ETHE1: variants seen among roughly 807,000 people sequenced by gnomAD.
ETHE1 encodes persulfide dioxygenase ETHE1, mitochondrial.
In ETHE1, 16 loss-of-function variants were observed where a neutral mutation model predicts 25.7. The ratio of observed to expected loss-of-function variants is 0.62; its 90% confidence interval spans 0.42 to 0.95. The LOEUF is 0.95. Among genes scored for constraint, ETHE1 ranks in the 40% least tolerant of loss-of-function variants. ETHE1 has a pLI of 0.00. For missense variants in ETHE1, 300 were observed against 333.6 expected, an observed-to-expected ratio of 0.90 and a Z score of 0.79; for synonymous variants, 139 against 135.9, an observed-to-expected ratio of 1.02 and a Z score of -0.16.
intron 3 of ETHE1, among the ~76,000 whole-genome samples, chr19:43,521,132 C>T (rs939822222): frequency 3.3e-5 from 5 of 152,012 alleles, no homozygotes; most frequent in African/African-American, 4.8e-5. Context: ...CAGGTGCTCA[C>T]GACCAGCCTG....
intron 3 of ETHE1, 64 bp from the exon 4 acceptor site, chr19:43,511,630 A>T (rs768757020): frequency 6.3e-6 from 10 of 1,586,660 alleles, no homozygotes; most frequent in African/African-American, 1.3e-5. Context: ...ACTGGCCCCC[A>T]AAGCCCCACC....
chr19:43,518,999 G>GTTTTTTTTTTTTTTT lies in ETHE1; in HGVS notation c.375+7187_375+7201dup, dbSNP rs71169253. Among the ~76,000 whole-genome samples the GTTTTTTTTTTTTTTT allele has an allele frequency of 1.4e-4, 13 of 91,010 alleles. 1 individual carries two copies. Among genetic ancestry groups the GTTTTTTTTTTTTTTT allele is most frequent in the East Asian group, 4.0e-4 (1 of 2,482 alleles). 59.7% of individuals were successfully genotyped at this position (91,010 alleles called of 152,430 possible). ...CTGATGGCTGATGAAATTTGTGCTT[G>GTTTTTTTTTTTTTTT]TTTTTTTTTTTTTTTTTTTTTTTTT... On this transcript the variant is annotated intron_variant, in intron 3 of 6. Transcript: ENST00000292147.
rs531844922 is a variant in ETHE1 at position 43,511,304 on chromosome 19, A to G, written c.505+133T>C. On this transcript the variant is annotated intron_variant, in intron 4 of 6. Coordinates refer to ENST00000292147, the MANE Select transcript of ETHE1 (RefSeq NM_014297.5). ...GTTGGGGACCACTGTTCTAGCAGGTAAACTCCTTGAATTTAATACTGAAGC... is the reference window on the plus strand; with the variant it reads ...GTTGGGGACCACTGTTCTAGCAGGTGAACTCCTTGAATTTAATACTGAAGC... 2.0e-5 allele frequency: 28 copies of G among 1,389,734 alleles called. No individual in the cohort carries two copies. The South Asian group carries it at 3.3e-4, about 16-fold the overall frequency. 86.1% of individuals were successfully genotyped at this position (1,389,734 alleles called of 1,614,324 possible). A position where few individuals can be genotyped will look rare whatever the true frequency, so the allele number is the denominator to read the frequency against.
chr19:43,523,791 C>T (rs1972183903), intron 3 of ETHE1, among the ~76,000 whole-genome samples: 1 of 151,834 alleles, frequency 6.6e-6, no homozygotes, highest in South Asian at 2.1e-4. Context: ...CAAAAATTAG[C>T]CAGACATGGT....
chr19:43,518,118 CAAA>C (rs1972060193), intron 3 of ETHE1, among the ~76,000 whole-genome samples: 1 of 149,252 alleles, frequency 6.7e-6, no homozygotes. Context: ...AAAAAGAAAA[CAAA>C]ACAAAAAGAA....
chr19:43,513,173 G>A (rs1211306384), intron 3 of ETHE1, among the ~76,000 whole-genome samples: 2 of 152,192 alleles, frequency 1.3e-5, no homozygotes, highest in Non-Finnish European at 2.9e-5. Flanking sequence ...GAGGTGTGCT[G>A]CAGGGGTGAA....
intron 3 of ETHE1, among the ~76,000 whole-genome samples, chr19:43,514,018 G>A (rs931899650): frequency 1.3e-5 from 2 of 151,924 alleles, no homozygotes; most frequent in African/African-American, 2.4e-5. Context: ...CACCATGCCC[G>A]GCCTCAGATG....
chr19:43,508,599 T>A (rs1466138313), intron 5 of ETHE1, among the ~76,000 whole-genome samples, 176 bp downstream of exon 5: 1 of 152,156 alleles, frequency 6.6e-6, no homozygotes, highest in Non-Finnish European at 1.5e-5. Flanking sequence ...TGCCTTGGCC[T>A]CCCAAAGTGC....
At chr19:43,524,279 G>A (rs965165701) in intron 3 of ETHE1, among the ~76,000 whole-genome samples, 1 of 152,032 alleles carries the variant, frequency 6.6e-6, no homozygotes, top group African/African-American at 2.4e-5. Flanking sequence ...CTGCTATTTG[G>A]GAGGCTGAAA....
In ETHE1 at chr19:43,526,534, C is replaced by T. The variant is rs1262384675; in HGVS notation, c.207G>A (p.Gly69=). 6.2e-7 allele frequency: 1 copy of T among 1,613,614 alleles called. No individual in the cohort carries two copies. The highest frequency in any genetic ancestry group is 1.7e-5 in the Admixed American group (1 of 59,922). ...PRDAQLIKEL[G]LRLLYAVNTH... is the part of the protein sequence containing the mutation. ...ACTGACCAGCATAGAGCAGCCGCAGCCCCAGCTCCTTGATCAGCTGGGCAT... is the reference window on the plus strand; with the variant it reads ...ACTGACCAGCATAGAGCAGCCGCAGTCCCAGCTCCTTGATCAGCTGGGCAT... The change falls in exon 2 of 7, where the codon GGG becomes GGA. Residue 69 remains glycine (G), a synonymous_variant. Transcript: ENST00000292147.
intron 3 of ETHE1, among the ~76,000 whole-genome samples, chr19:43,523,375 A>T (rs1305353196): frequency 6.6e-6 from 1 of 151,966 alleles, no homozygotes; most frequent in Non-Finnish European, 1.5e-5. Context: ...GATTCAAGCA[A>T]TTCTCCTCCT....
chr19:43,511,957 A>G (rs1303360678), intron 3 of ETHE1, among the ~76,000 whole-genome samples: 1 of 152,096 alleles, frequency 6.6e-6, no homozygotes, highest in African/African-American at 2.4e-5. Flanking sequence ...CTGTCTCGTG[A>G]TGATGAATAA....
chr19:43,510,637 G>GTT (rs55975705), intron 4 of ETHE1, among the ~76,000 whole-genome samples: 2 of 143,866 alleles, frequency 1.4e-5, no homozygotes, highest in Non-Finnish European at 1.5e-5. Flanking sequence ...CCAGCCCTTT[G>GTT]TTTTTTTTTT....
At chr19:43,509,457 A>G (rs933360607) in intron 4 of ETHE1, among the ~76,000 whole-genome samples, 4 of 147,182 alleles carry the variant, frequency 2.7e-5, no homozygotes, top group East Asian at 4.0e-4. Context: ...AGATCACACC[A>G]CTGCCCTCCA....
intron 3 of ETHE1, among the ~76,000 whole-genome samples, chr19:43,521,153 G>A (rs1187492672): frequency 2.0e-5 from 3 of 151,930 alleles, no homozygotes; most frequent in African/African-American, 4.8e-5. Context: ...GCAGTATGGC[G>A]AAACCCCATC....
intron 3 of ETHE1, among the ~76,000 whole-genome samples, chr19:43,517,360 C>A (rs1972041325): frequency 6.7e-6 from 1 of 148,770 alleles, no homozygotes; most frequent in African/African-American, 2.5e-5. Context: ...TTAAATGCGG[C>A]CAGGCACGGT....
At chr19:43,526,690 G>C in intron 1 of ETHE1, 31 bp from the exon 2 acceptor site, 1 of 1,612,316 alleles carries the variant, frequency 6.2e-7, no homozygotes, top group Non-Finnish European at 8.5e-7. Flanking sequence ...TGAGGGCGCA[G>C]AACCGGACTT....
intron 4 of ETHE1, among the ~76,000 whole-genome samples, chr19:43,509,689 G>A (rs974168234): frequency 5.3e-5 from 8 of 151,866 alleles, no homozygotes; most frequent in Admixed American, 2.0e-4. Flanking sequence ...CCAGCTACTC[G>A]GGAGGCTGAG....
chr19:43,518,997 T>TCG (rs1972082356), intron 3 of ETHE1, among the ~76,000 whole-genome samples: 1 of 115,806 alleles, frequency 8.6e-6, no homozygotes, highest in Admixed American at 8.8e-5. Flanking sequence ...AAATTTGTGC[T>TCG]TGTTTTTTTT....
Sources: gnomAD v4.1 joint callset for allele counts (sites outside exome capture counted in the v4.1 genomes callset) on GRCh38, gnomAD v4.1.1 for gene constraint, MANE v1.5 for transcripts, NCBI Gene and HGNC (gene_info 2026-07-23, HGNC 2026-07-21) for gene names.